The following NEGR1 variants were observed in gnomAD, a reference collection of about 807,000 sequenced individuals.
The protein encoded by NEGR1 is neuronal growth regulator 1, also known as IgLON family member 4.
A neutral mutation model predicts 40.9 loss-of-function variants in NEGR1; 10 were observed. That is an observed-to-expected ratio of 0.24 (90% confidence interval 0.15 to 0.42). The LOEUF is 0.42. Among genes scored for constraint, NEGR1 ranks in the 10% least tolerant of loss-of-function variants. The probability of loss-of-function intolerance (pLI) is 1.00; values close to 1 mark genes in which losing one functional copy is unlikely to be tolerated. For missense variants in NEGR1, 352 were observed against 438.9 expected, an observed-to-expected ratio of 0.80 and a Z score of 1.77; for synonymous variants, 185 against 166.8, an observed-to-expected ratio of 1.11 and a Z score of -0.84.
chr1:71,982,174 C>T (rs1646359987), intron 1 of NEGR1, among the ~76,000 whole-genome samples: 2 of 152,138 alleles, frequency 1.3e-5, no homozygotes, highest in African/African-American at 4.8e-5. Flanking sequence ...GGAAATCTCT[C>T]TTTTTTTCAG....
At chr1:72,060,200 C>T (rs1381516695) in intron 1 of NEGR1, among the ~76,000 whole-genome samples, 1 of 151,562 alleles carries the variant, frequency 6.6e-6, no homozygotes, top group African/African-American at 2.4e-5. Context: ...AGATTATGAA[C>T]CTATCTTGAT....
intron 1 of NEGR1, among the ~76,000 whole-genome samples, chr1:72,148,837 T>C (rs1466013232): frequency 1.3e-5 from 2 of 152,194 alleles, no homozygotes; most frequent in Admixed American, 6.6e-5. Flanking sequence ...TTATTGTTTA[T>C]ATCGCCTTCA....
chr1:71,498,069 T>C (rs1173807654), intron 6 of NEGR1, among the ~76,000 whole-genome samples: 5 of 151,606 alleles, frequency 3.3e-5, no homozygotes, highest in Non-Finnish European at 1.5e-5. Context: ...TGGAACTTTT[T>C]TTTAAGTCTG....
At chr1:72,117,371 T>C (rs942243705) in intron 1 of NEGR1, among the ~76,000 whole-genome samples, 1 of 151,868 alleles carries the variant, frequency 6.6e-6, no homozygotes, top group Non-Finnish European at 1.5e-5. Context: ...TCCTCTATTA[T>C]TCATACCAGC....
chr1:71,837,600 G>T (rs970524063), intron 2 of NEGR1, among the ~76,000 whole-genome samples: 2 of 151,868 alleles, frequency 1.3e-5, no homozygotes, highest in Non-Finnish European at 2.9e-5. Flanking sequence ...TTTAATAACT[G>T]GACCCTGATT....
intron 2 of NEGR1, chr1:71,798,354 A>G (rs1657416671): frequency 6.6e-6 from 1 of 152,198 alleles, no homozygotes; most frequent in African/African-American, 2.4e-5. Flanking sequence ...ACAGAGGTTA[A>G]ACATAAAAAA....
rs552863994 is a variant in NEGR1, at chr1:71,898,571, T to C, written c.409+36508A>G. Among the ~76,000 whole-genome samples, 367 of 152,100 alleles carry C rather than the reference T, an allele frequency of 2.4e-3. 2 individuals carry two copies. Among genetic ancestry groups the C allele is most frequent in the African/African-American group, 8.5e-3 (352 of 41,524 alleles). The stretch of plus-strand genomic sequence containing the variant: ...CAGAGCTTGCAGTGAGCCGAGATCG[T>C]GCCACTGCACTCCAGCCTGGGCGAC... On this transcript the variant is annotated intron_variant, in intron 2 of 6. Coordinates refer to ENST00000357731, the MANE Select transcript of NEGR1 (RefSeq NM_173808.3).
At chr1:71,770,597 G>A (rs1024711174) in intron 3 of NEGR1, among the ~76,000 whole-genome samples, 58 of 152,280 alleles carry the variant, frequency 3.8e-4, no homozygotes, top group African/African-American at 1.4e-3. Flanking sequence ...ATTTTCTTAT[G>A]CCAGAAAGCA....
intron 5 of NEGR1, among the ~76,000 whole-genome samples, chr1:71,595,901 G>T (rs1312029256): frequency 6.6e-6 from 1 of 151,986 alleles, no homozygotes; most frequent in Non-Finnish European, 1.5e-5. Context: ...TTGATGACAT[G>T]TTTTTCTTTA....
intron 6 of NEGR1, chr1:71,422,901 C>T (rs1646407015): frequency 6.6e-6 from 1 of 152,156 alleles, no homozygotes; most frequent in Non-Finnish European, 1.5e-5. Context: ...TTTTCTATTC[C>T]TAGGTGTGTT....
chr1:72,168,009 T>TA (rs200032888), intron 1 of NEGR1, among the ~76,000 whole-genome samples: 12,422 of 146,430 alleles, frequency 0.085, 534 homozygotes, highest in South Asian at 0.11. Context: ...ATTATTATTT[T>TA]TTTTTTTTTT....
At chr1:71,686,711 T>C (rs1653052730) in intron 4 of NEGR1, among the ~76,000 whole-genome samples, 1 of 152,196 alleles carries the variant, frequency 6.6e-6, no homozygotes, top group Non-Finnish European at 1.5e-5. Flanking sequence ...CCCCATTGAA[T>C]AATCTAGAAA....
intron 5 of NEGR1, among the ~76,000 whole-genome samples, chr1:71,608,646 T>C (rs891900977): frequency 6.6e-6 from 1 of 152,148 alleles, no homozygotes; most frequent in African/African-American, 2.4e-5. Context: ...AAGAAATTAA[T>C]GACACAAATT....
chr1:72,127,687 A>G (rs1425441291), intron 1 of NEGR1, among the ~76,000 whole-genome samples: 1 of 152,096 alleles, frequency 6.6e-6, no homozygotes, highest in African/African-American at 2.4e-5. Context: ...AACAAGTAGT[A>G]GTTGACTGTC....
At chr1:72,279,592 T>C (rs1656176037) in intron 1 of NEGR1, among the ~76,000 whole-genome samples, 1 of 152,220 alleles carries the variant, frequency 6.6e-6, no homozygotes, top group Admixed American at 6.5e-5. Flanking sequence ...AAGGGTAGAA[T>C]TTTGTTTTGT....
intron 1 of NEGR1, among the ~76,000 whole-genome samples, chr1:72,025,809 CTTT>C (rs1161780063): frequency 3.3e-5 from 5 of 152,074 alleles, no homozygotes; most frequent in Admixed American, 2.6e-4. Context: ...AGCAGCCTTA[CTTT>C]TAAGAAATGA....
At chr1:72,269,348 T>A (rs972813726) in intron 1 of NEGR1, among the ~76,000 whole-genome samples, 5 of 151,608 alleles carry the variant, frequency 3.3e-5, no homozygotes, top group Non-Finnish European at 7.4e-5. Flanking sequence ...GATTCAGCTG[T>A]TCAGGGTTAT....
chr1:72,200,089 G>C (rs1478031263), intron 1 of NEGR1, among the ~76,000 whole-genome samples: 2 of 151,946 alleles, frequency 1.3e-5, no homozygotes, highest in African/African-American at 4.8e-5. Context: ...ATGTAAATTA[G>C]TTCAGTCACT....
At chr1:71,599,851 A>C (rs781382752) in intron 5 of NEGR1, among the ~76,000 whole-genome samples, 1 of 152,172 alleles carries the variant, frequency 6.6e-6, no homozygotes, top group Non-Finnish European at 1.5e-5. Flanking sequence ...CCCTACGTTA[A>C]ATAAACAATG....
Sources: gnomAD v4.1 joint callset for allele counts (sites outside exome capture counted in the v4.1 genomes callset) on GRCh38, gnomAD v4.1.1 for gene constraint, MANE v1.5 for transcripts, NCBI Gene and HGNC (gene_info 2026-07-23, HGNC 2026-07-21) for gene names.